The following AATK variants were observed in gnomAD, a reference collection of about 807,000 sequenced individuals.
AATK encodes lemur tail kinase 1.
A neutral mutation model predicts 114.3 loss-of-function variants in AATK; 91 were observed. That is an observed-to-expected ratio of 0.80 (90% CI 0.67 to 0.95). The LOEUF is 0.95. AATK is among the 40% of genes least tolerant of loss of function. The pLI is 0.00. For synonymous variants in AATK, 1,075 were observed against 916.5 expected, an observed-to-expected ratio of 1.17 and a Z score of -3.12; for missense variants, 2,176 against 1,965.2, an observed-to-expected ratio of 1.11 and a Z score of -2.03.
At chr17:81,137,934 G>A (rs1402990202) in intron 1 of AATK, among the ~76,000 whole-genome samples, 5 of 113,260 alleles carry the variant, frequency 4.4e-5, no homozygotes, top group African/African-American at 9.7e-5. Flanking sequence ...ACAGCCACAC[G>A]CACACATCCA....
intron 1 of AATK, among the ~76,000 whole-genome samples, chr17:81,164,711 C>A (rs1346424603): frequency 6.6e-6 from 1 of 152,214 alleles, no homozygotes; most frequent in Non-Finnish European, 1.5e-5. Flanking sequence ...GGACCTGCCC[C>A]AAGCCTCCTC....
intron 1 of AATK, among the ~76,000 whole-genome samples, chr17:81,136,980 G>A (rs934890030): frequency 6.6e-6 from 1 of 152,140 alleles, no homozygotes; most frequent in Non-Finnish European, 1.5e-5. Context: ...CACCCTTGCC[G>A]GGCGCGGTGG....
chr17:81,127,995 C>A (rs962563894), intron 4 of AATK, 85 bp from the exon 5 acceptor site: 1 of 1,501,068 alleles, frequency 6.7e-7, no homozygotes, highest in Admixed American at 2.0e-5. Context: ...ACCCGCCCCA[C>A]GCCGGCCCCC....
chr17:81,131,190 C>T lies in AATK; in HGVS notation c.205G>A (p.Glu69Lys). The change falls in exon 3 of 14, where the codon GAG becomes AAG. Residue 69 changes from glutamate (E) to lysine (K), a missense_variant. Around this residue, in one of 4 missense-constraint regions of AATK, gnomAD observed 178 missense variants for 175.4 expected, o/e 1.01. Coordinates refer to ENST00000326724, the MANE Select transcript of AATK (RefSeq NM_001080395.3). ...AGGTCGGCTGCGTACTCGTCCCCCT[C>T]CGCATTCTCAAACTCCTGCGGGCCG... ...GIGFKEFENAEGDEYAADLAQ... is the reference protein window; with the variant it reads ...GIGFKEFENAKGDEYAADLAQ... 6.3e-7 allele frequency: 1 copy of T among 1,581,072 alleles called. No individual in the cohort carries two copies.
chr17:81,144,634 C>T (rs1213098283), intron 1 of AATK, among the ~76,000 whole-genome samples: 1 of 152,254 alleles, frequency 6.6e-6, no homozygotes, highest in Non-Finnish European at 1.5e-5. Flanking sequence ...GAGGAGTTCG[C>T]CTTCACTGTT....
At chr17:81,120,121 A>C (rs1411499339) in intron 11 of AATK, 38 bp from the exon 12 acceptor site, 5 of 1,475,142 alleles carry the variant, frequency 3.4e-6, no homozygotes, top group South Asian at 1.4e-5. Context: ...CTCGGCCGCC[A>C]GGAGCCGCGG....
chr17:81,133,850 G>A (rs976299135), intron 2 of AATK, among the ~76,000 whole-genome samples: 11 of 152,128 alleles, frequency 7.2e-5, no homozygotes, highest in East Asian at 1.9e-4. Flanking sequence ...ATCACACATC[G>A]TCCCCTCCAG....
At chr17:81,158,734 C>T (rs2061396212) in intron 1 of AATK, among the ~76,000 whole-genome samples, 1 of 152,234 alleles carries the variant, frequency 6.6e-6, no homozygotes, top group African/African-American at 2.4e-5. Context: ...ACATCTTTCG[C>T]CACAGAAAGG....
At chr17:81,119,235 CG>C in intron 13 of AATK, 144 bp downstream of exon 13, 1 of 212,694 alleles carries the variant, frequency 4.7e-6, no homozygotes, top group Non-Finnish European at 7.0e-6. Context: ...GGTCTGGGGC[CG>C]GGAAGGAGCG....
In AATK at chr17:81,120,757, A is replaced by T; in HGVS notation, c.3179T>A (p.Leu1060Gln). The T allele has an allele frequency of 3.2e-6, 5 of 1,577,170 alleles. No homozygotes were observed. Among genetic ancestry groups the T allele is most frequent in the Non-Finnish European group, 4.3e-6 (5 of 1,162,036 alleles). The change falls in exon 11 of 14, where the codon CTG becomes CAG. Residue 1060 changes from leucine to glutamine, a missense_variant. Leu to Gln is a moderately radical substitution (Grantham distance 113, BLOSUM62 -2). This residue lies in a region of AATK where 1,701 missense variants were observed against 1,394.7 expected (regional missense o/e 1.22). Coordinates refer to ENST00000326724, the MANE Select transcript of AATK (RefSeq NM_001080395.3). ...SGPGEVLPPL[L>Q]QLEGSSPEPS... Reference sequence around the variant, plus strand: ...CTCTGGGGAGGACCCTTCAAGCTGCAGCAGTGGGGGCAGCACCTCCCCGGG... The same window carrying T: ...CTCTGGGGAGGACCCTTCAAGCTGCTGCAGTGGGGGCAGCACCTCCCCGGG...
At chr17:81,125,953 C>G (rs1373336964) in intron 7 of AATK, 3 of 479,992 alleles carry the variant, frequency 6.3e-6, no homozygotes, top group South Asian at 4.6e-5. Flanking sequence ...TTGGAGAGGA[C>G]AGCCGTGCGG....
At position 81,126,532 on chromosome 17, in the gene AATK, C is replaced by T; in HGVS notation, c.650G>A (p.Cys217Tyr). ...GGGAGCCATGGACTCCGCCACCCGG[C>T]AGCTCCGCAGGTAGCCCTTGAGGTC... ...LGDLKGYLRS[C>Y]RVAESMAPDP... Residue 217 changes from cysteine to tyrosine, a missense_variant, in exon 7 of 14, where the codon TGC becomes TAC. Cys to Tyr is a radical substitution (Grantham distance 194, BLOSUM62 -2). Coordinates refer to ENST00000326724, the MANE Select transcript of AATK (RefSeq NM_001080395.3). The surrounding 1 kb of genome is among the most constrained non-coding windows in gnomAD (Gnocchi z 5.1). The T allele has an allele frequency of 6.5e-7, 1 of 1,547,852 alleles. No homozygotes were observed. Among genetic ancestry groups the T allele is most frequent in the Non-Finnish European group, 8.7e-7 (1 of 1,144,806 alleles).
chr17:81,138,715 G>A (rs1040286119), intron 1 of AATK, among the ~76,000 whole-genome samples: 12 of 143,308 alleles, frequency 8.4e-5, no homozygotes, highest in East Asian at 6.5e-4. Context: ...ATACCCACAC[G>A]CGCAAACCCA....
chr17:81,138,373 A>G (rs776152032), intron 1 of AATK, among the ~76,000 whole-genome samples: 62 of 146,536 alleles, frequency 4.2e-4, no homozygotes, highest in Non-Finnish European at 7.3e-4. Flanking sequence ...ACTCCCATGG[A>G]CACACGGGCA....
rs1052529443 is a variant in AATK at position 81,134,047 on chromosome 17, C to G, written c.189+321G>C. On this transcript the variant is annotated intron_variant, in intron 2 of 13. Coordinates refer to ENST00000326724, the MANE Select transcript of AATK (RefSeq NM_001080395.3). ...GGAGGCAAGCCCCCTCCCACACCAGCTCCAGAGCCCCCGACGCCCCCTGCA... is the reference window on the plus strand; with the variant it reads ...GGAGGCAAGCCCCCTCCCACACCAGGTCCAGAGCCCCCGACGCCCCCTGCA... 2.6e-5 allele frequency among the ~76,000 whole-genome samples: 4 copies of G among 152,176 alleles called. No individual in the cohort carries two copies. The East Asian group carries it at 7.7e-4, about 29-fold the overall frequency.
intron 1 of AATK, among the ~76,000 whole-genome samples, chr17:81,149,379 C>T (rs1013376582): frequency 6.6e-6 from 1 of 152,174 alleles, no homozygotes; most frequent in Non-Finnish European, 1.5e-5. Flanking sequence ...GGTCCTGCCT[C>T]CTGCCCTCCC....
chr17:81,130,508 CCCT>C (rs2060913162), intron 3 of AATK, among the ~76,000 whole-genome samples: 1 of 152,174 alleles, frequency 6.6e-6, no homozygotes, highest in Non-Finnish European at 1.5e-5. Context: ...ACCCCTCGGC[CCCT>C]CCTCGCAGCC....
intron 1 of AATK, among the ~76,000 whole-genome samples, chr17:81,141,060 G>A (rs1015245264): frequency 3.4e-5 from 5 of 149,084 alleles, no homozygotes; most frequent in Admixed American, 2.0e-4. Context: ...GAGCCGTGGG[G>A]CCGTGGGGGC....
chr17:81,140,919 GTGGGACCGTGGGACCA>G (rs1431503666), intron 1 of AATK, among the ~76,000 whole-genome samples: 1 of 93,098 alleles, frequency 1.1e-5, no homozygotes, highest in East Asian at 2.5e-4. Context: ...CCGTGGGGCC[GTGGGACCGTGGGACCA>G]TGGGGCCGTG....
Sources: allele counts gnomAD v4.1 joint callset (sites outside exome capture counted in the v4.1 genomes callset), GRCh38; gene constraint gnomAD v4.1.1; regional missense constraint gnomAD v4.1.1; non-coding constraint Gnocchi (gnomAD v3.1); transcripts MANE v1.5; gene names NCBI Gene and HGNC (gene_info 2026-07-23, HGNC 2026-07-21).